The following HMGA2 variants were observed in gnomAD, a reference collection of about 807,000 sequenced individuals.
The protein encoded by HMGA2 is high mobility group protein HMGI-C.
Under a neutral mutation model 19.1 loss-of-function variants are expected in HMGA2, and 8 were observed. That is an observed-to-expected ratio of 0.42 (90% CI 0.25 to 0.76). The LOEUF (loss-of-function observed/expected upper bound fraction) is 0.76. HMGA2 is among the 30% of genes least tolerant of loss of function. HMGA2 has a pLI of 0.28. For synonymous variants in HMGA2, 60 were observed against 48.8 expected (o/e 1.23, Z -0.96); for missense variants, 109 against 136.3 (o/e 0.80, Z 1.00).
chr12:65,903,084 G>A (rs1874440375), intron 3 of HMGA2, among the ~76,000 whole-genome samples: 1 of 152,004 alleles, frequency 6.6e-6, no homozygotes, highest in Non-Finnish European at 1.5e-5. Context: ...TGGTTTGTTT[G>A]TTTTTTTAAA....
At chr12:65,834,770 G>A (rs972733520) in intron 2 of HMGA2, among the ~76,000 whole-genome samples, 6 of 152,142 alleles carry the variant, frequency 3.9e-5, no homozygotes, top group Non-Finnish European at 8.8e-5. Context: ...TTTAAAATAT[G>A]CAGTACATTG....
intron 3 of HMGA2, among the ~76,000 whole-genome samples, chr12:65,913,261 T>C (rs1874922077): frequency 6.6e-6 from 1 of 152,166 alleles, no homozygotes; most frequent in Non-Finnish European, 1.5e-5. Context: ...TCCTTTTCTC[T>C]GGTCAACTCC....
At chr12:65,908,475 CT>C (rs776297417) in intron 3 of HMGA2, among the ~76,000 whole-genome samples, 3 of 152,054 alleles carry the variant, frequency 2.0e-5, no homozygotes, top group African/African-American at 4.8e-5. Context: ...CACATCCTTT[CT>C]TTTTTTTCCT....
chr12:65,875,589 A>ATTTTTT lies in HMGA2; in HGVS notation c.249+37056_249+37061dup, dbSNP rs71096056. ...CGGGCATATGCCACCGTGCCCGGCT[A>ATTTTTT]TTTTTTTTTTTTTTTTTTTTTTTTT... On this transcript the variant is annotated intron_variant, in intron 3 of 4. Coordinates refer to ENST00000403681, the MANE Select transcript of HMGA2 (RefSeq NM_003483.6). Among the ~76,000 whole-genome samples, 94 of 26,108 alleles carry ATTTTTT rather than the reference A, an allele frequency of 3.6e-3. 29 individuals are homozygous for ATTTTTT. The highest frequency in any genetic ancestry group is 4.7e-3 in the African/African-American group (46 of 9,818). 17.1% of individuals were successfully genotyped at this position (26,108 alleles called of 152,430 possible).
chr12:65,912,238 T>C (rs1874877362), intron 3 of HMGA2, among the ~76,000 whole-genome samples: 1 of 152,250 alleles, frequency 6.6e-6, no homozygotes, highest in African/African-American at 2.4e-5. Context: ...AAATTTTTTA[T>C]GTTAAAGTGA....
At chr12:65,949,084 C>T (rs561597946) in intron 3 of HMGA2, among the ~76,000 whole-genome samples, 1 of 152,182 alleles carries the variant, frequency 6.6e-6, no homozygotes, top group Admixed American at 6.5e-5. Flanking sequence ...CCTCTATTAG[C>T]CCACGCTTTT....
Position 65,834,065 on chromosome 12 carries a change from T to C in HMGA2, c.199-4454T>C, listed in dbSNP as rs142119728. Among the ~76,000 whole-genome samples, 8 of 152,328 alleles carry C rather than the reference T, an allele frequency of 5.3e-5. No individual in the cohort carries two copies. In the East Asian group the frequency reaches 1.5e-3, roughly 29 times the overall value. Reference sequence around the variant, plus strand: ...AAATGAGAAAACTGTGATTCAAAGATGTAAACAGGACATATCTGATATTCA... The same window carrying C: ...AAATGAGAAAACTGTGATTCAAAGACGTAAACAGGACATATCTGATATTCA... On this transcript the variant is annotated intron_variant, in intron 2 of 4. Coordinates refer to ENST00000403681, the MANE Select transcript of HMGA2 (RefSeq NM_003483.6).
chr12:65,920,163 G>A (rs1465841460), intron 3 of HMGA2, among the ~76,000 whole-genome samples: 3 of 152,204 alleles, frequency 2.0e-5, no homozygotes, highest in South Asian at 2.1e-4. Flanking sequence ...GAAAATAGCC[G>A]TGAAGTGAGA....
At chr12:65,921,123 G>T (rs1252788206) in intron 3 of HMGA2, among the ~76,000 whole-genome samples, 3 of 152,224 alleles carry the variant, frequency 2.0e-5, no homozygotes, top group African/African-American at 7.2e-5. Flanking sequence ...GAGACTGGTG[G>T]CATTTTGCCA....
At chr12:65,842,208 A>G (rs1871031790) in intron 3 of HMGA2, 2 of 773,090 alleles carry the variant, frequency 2.6e-6, no homozygotes, top group South Asian at 2.8e-5. Flanking sequence ...TGGAGTCTTA[A>G]GAAAATCACA....
At chr12:65,855,195 T>A (rs1266503039) in intron 3 of HMGA2, among the ~76,000 whole-genome samples, 1 of 152,070 alleles carries the variant, frequency 6.6e-6, no homozygotes, top group Non-Finnish European at 1.5e-5. Context: ...CCCTGGAAAT[T>A]CCTTGTTTCA....
In HMGA2 at chr12:65,842,473, A is replaced by C. The variant is rs900622030; in HGVS notation, c.249+3904A>C. The C allele has an allele frequency of 7.2e-6, 6 of 828,558 alleles. No homozygotes were observed. The South Asian group carries it at 9.8e-5, about 14-fold the overall frequency. 51.3% of individuals were successfully genotyped at this position (828,558 alleles called of 1,614,324 possible). A position where few individuals can be genotyped will look rare whatever the true frequency, so the allele number is the denominator to read the frequency against. ...AGTAACAGAGTTATATGTCAGACTA[A>C]CCAAGTACCCTTGACAGTATCATTA... On this transcript the variant is annotated intron_variant, in intron 3 of 4. Coordinates refer to ENST00000403681, the MANE Select transcript of HMGA2 (RefSeq NM_003483.6).
intron 3 of HMGA2, among the ~76,000 whole-genome samples, chr12:65,905,930 T>C (rs1186616543): frequency 6.6e-6 from 1 of 152,194 alleles, no homozygotes; most frequent in Non-Finnish European, 1.5e-5. Context: ...TTGTGTAATT[T>C]TGTATTCTTT....
At chr12:65,954,693 G>A (rs1012389135) in intron 4 of HMGA2, 9 of 152,142 alleles carry the variant, frequency 5.9e-5, no homozygotes, top group Admixed American at 2.0e-4. Flanking sequence ...TTGTGTTTGC[G>A]AAATCCACCA....
chr12:65,913,563 A>C (rs927351921), intron 3 of HMGA2, among the ~76,000 whole-genome samples: 3 of 152,212 alleles, frequency 2.0e-5, no homozygotes, highest in African/African-American at 7.2e-5. Context: ...TTTATCAAGC[A>C]TGAGTTATAG....
intron 3 of HMGA2, among the ~76,000 whole-genome samples, chr12:65,863,552 T>G (rs1400859511): frequency 3.3e-5 from 5 of 150,778 alleles, no homozygotes; most frequent in Non-Finnish European, 5.9e-5. Context: ...CTGCCTTGTT[T>G]TCAAGGATCA....
At chr12:65,950,960 G>T (rs1876437016) in intron 3 of HMGA2, among the ~76,000 whole-genome samples, 1 of 152,072 alleles carries the variant, frequency 6.6e-6, no homozygotes, top group South Asian at 2.1e-4. Flanking sequence ...ATAGGGTGTT[G>T]CTCTGTCACC....
chr12:65,954,438 C>T (rs890836760), intron 4 of HMGA2: 1 of 152,212 alleles, frequency 6.6e-6, no homozygotes, highest in Non-Finnish European at 1.5e-5. Context: ...ATTTATGTCA[C>T]ACGTATACAG....
At chr12:65,867,521 G>A (rs1872491397) in intron 3 of HMGA2, 2 of 454,852 alleles carry the variant, frequency 4.4e-6, no homozygotes, top group Admixed American at 2.4e-5. Context: ...AAGACATAAA[G>A]GAATGAGAAG....
Sources: gnomAD v4.1 joint callset for allele counts (sites outside exome capture counted in the v4.1 genomes callset) on GRCh38, gnomAD v4.1.1 for gene constraint, MANE v1.5 for transcripts, NCBI Gene and HGNC (gene_info 2026-07-23, HGNC 2026-07-21) for gene names.